NRG3: variants seen among roughly 807,000 people sequenced by gnomAD.
NRG3 encodes pro-neuregulin-3, membrane-bound isoform.
A neutral mutation model predicts 66.9 loss-of-function variants in NRG3; 31 were observed. That is an observed-to-expected ratio of 0.46 (90% CI 0.35 to 0.63). NRG3 has a LOEUF of 0.63. Ranked by LOEUF, NRG3 falls within the 20% of genes least tolerant of loss-of-function variation. NRG3 has a pLI of 0.00. For missense variants in NRG3, 910 were observed against 878.9 expected, an observed-to-expected ratio of 1.04 and a Z score of -0.45; for synonymous variants, 393 against 359.4, an observed-to-expected ratio of 1.09 and a Z score of -1.06.
intron 1 of NRG3, among the ~76,000 whole-genome samples, chr10:82,173,674 A>AACACACACACACACACACACAC (rs3037392): frequency 6.8e-6 from 1 of 146,514 alleles, no homozygotes; most frequent in Non-Finnish European, 1.5e-5. Flanking sequence ...TGCATATGTG[A>AACACACACACACACACACACAC]ACACACACAC....
At chr10:82,938,912 G>C (rs566306610) in intron 4 of NRG3, among the ~76,000 whole-genome samples, 1 of 152,192 alleles carries the variant, frequency 6.6e-6, no homozygotes, top group Non-Finnish European at 1.5e-5. Context: ...GGTAAGGAGT[G>C]GGGGACAGCT....
intron 3 of NRG3, among the ~76,000 whole-genome samples, chr10:82,831,048 G>A (rs1438674348): frequency 2.0e-5 from 3 of 152,080 alleles, no homozygotes; most frequent in East Asian, 1.9e-4. Flanking sequence ...ATTAATTTAC[G>A]TCTTGCTCAA....
intron 4 of NRG3, among the ~76,000 whole-genome samples, chr10:82,888,376 T>G (rs1252718420): frequency 6.6e-6 from 1 of 152,196 alleles, no homozygotes; most frequent in Non-Finnish European, 1.5e-5. Flanking sequence ...AATAAAGCAT[T>G]TGTTTTAAAA....
intron 1 of NRG3, among the ~76,000 whole-genome samples, chr10:82,245,976 T>TG (rs1470164143): frequency 7.6e-6 from 1 of 130,740 alleles, no homozygotes. Flanking sequence ...CCCAGTCTTC[T>TG]GGTTTTTTTT....
chr10:81,938,643 A>ATGTGTGTGTGTGTGTGTGTGTGTGTGTG (rs1564674211), intron 1 of NRG3, among the ~76,000 whole-genome samples: 1 of 145,718 alleles, frequency 6.9e-6, no homozygotes, highest in African/African-American at 2.6e-5. Flanking sequence ...GTGTGTGTGC[A>ATGTGTGTGTGTGTGTGTGTGTGTGTGTG]TGCATGCATG....
intron 2 of NRG3, among the ~76,000 whole-genome samples, chr10:82,453,592 T>C (rs963717805): frequency 2.6e-5 from 4 of 151,840 alleles, no homozygotes; most frequent in African/African-American, 9.7e-5. Flanking sequence ...GAGAAACCAA[T>C]GTGCAAGGTA....
intron 1 of NRG3, among the ~76,000 whole-genome samples, chr10:81,882,200 T>G (rs2132482462): frequency 6.6e-6 from 1 of 152,310 alleles, no homozygotes; most frequent in Middle Eastern, 3.4e-3. Flanking sequence ...GTAGGTTTCC[T>G]TGAGCTTGGC....
chr10:82,905,747 T>C (rs1310989873), intron 4 of NRG3, among the ~76,000 whole-genome samples: 1 of 152,152 alleles, frequency 6.6e-6, no homozygotes, highest in African/African-American at 2.4e-5. Context: ...AGTTATCAAG[T>C]TGCTTCTTTT....
At chr10:82,602,209 T>G (rs2047680875) in intron 2 of NRG3, among the ~76,000 whole-genome samples, 2 of 152,046 alleles carry the variant, frequency 1.3e-5, no homozygotes, top group Non-Finnish European at 2.9e-5. Flanking sequence ...TTTTTGAAAT[T>G]TTCCCATTAA....
intron 1 of NRG3, among the ~76,000 whole-genome samples, chr10:82,257,962 C>G (rs558291813): frequency 6.6e-6 from 1 of 152,276 alleles, no homozygotes; most frequent in East Asian, 1.9e-4. Context: ...ACTCTCTCCT[C>G]CTTGGTGTCT....
chr10:82,412,574 GTGGC>G (rs1442880108), intron 2 of NRG3, among the ~76,000 whole-genome samples: 1 of 152,092 alleles, frequency 6.6e-6, no homozygotes, highest in African/African-American at 2.4e-5. Context: ...GAAGGTTAGG[GTGGC>G]TTTGTCAGTT....
At chr10:82,784,715 G>C (rs1444138363) in intron 3 of NRG3, among the ~76,000 whole-genome samples, 4 of 152,032 alleles carry the variant, frequency 2.6e-5, no homozygotes, top group Non-Finnish European at 4.4e-5. Context: ...ACAGGTGCTG[G>C]AGAGGATATG....
chr10:82,001,871 C>T (rs1392981219), intron 1 of NRG3, among the ~76,000 whole-genome samples: 1 of 152,242 alleles, frequency 6.6e-6, no homozygotes, highest in Middle Eastern at 3.4e-3. Flanking sequence ...TGTTTGGGAC[C>T]TAATAAAGTT....
chr10:82,216,460 A>ATATATATGTGTG (rs1554851844), intron 1 of NRG3, among the ~76,000 whole-genome samples: 52 of 146,406 alleles, frequency 3.6e-4, no homozygotes, highest in African/African-American at 1.2e-3. Flanking sequence ...TTTTATATAT[A>ATATATATGTGTG]TGTGTGTGTG....
At chr10:82,881,717 T>G (rs902085156) in intron 4 of NRG3, among the ~76,000 whole-genome samples, 1 of 152,240 alleles carries the variant, frequency 6.6e-6, no homozygotes, top group Non-Finnish European at 1.5e-5. Context: ...TGTATTTATG[T>G]ATGTGTGTAT....
intron 1 of NRG3, among the ~76,000 whole-genome samples, chr10:82,059,350 C>T (rs1378213437): frequency 6.6e-6 from 1 of 152,050 alleles, no homozygotes. Flanking sequence ...TGTGGAAGGA[C>T]ACAGATACAC....
intron 3 of NRG3, among the ~76,000 whole-genome samples, chr10:82,766,496 G>A (rs574217569): frequency 3.9e-5 from 6 of 152,246 alleles, no homozygotes; most frequent in African/African-American, 1.4e-4. Context: ...TAAGGATAAG[G>A]ATCACATTTT....
intron 7 of NRG3, among the ~76,000 whole-genome samples, chr10:82,976,682 C>T (rs937818402): frequency 1.3e-5 from 2 of 152,176 alleles, no homozygotes; most frequent in Non-Finnish European, 2.9e-5. Context: ...GCTGCAGGCT[C>T]TTATGTCCTC....
intron 1 of NRG3, among the ~76,000 whole-genome samples, chr10:82,241,434 A>AT (rs148059093): frequency 0.12 from 17,956 of 151,908 alleles, 1,139 homozygotes; most frequent in Non-Finnish European, 0.15. Flanking sequence ...TCAGCTGTTT[A>AT]TTTTTTTAAT....
Sources: gnomAD v4.1 joint callset for allele counts (sites outside exome capture counted in the v4.1 genomes callset) on GRCh38, gnomAD v4.1.1 for gene constraint, MANE v1.5 for transcripts, NCBI Gene and HGNC (gene_info 2026-07-23, HGNC 2026-07-21) for gene names.